Variants in IPP observed in about 807,000 individuals in gnomAD.
IPP encodes actin-binding protein IPP.
In IPP, 41 loss-of-function variants were observed where a neutral mutation model predicts 64.1. The observed-to-expected ratio is 0.64, with a 90% confidence interval of 0.50 to 0.83. The LOEUF is 0.83. IPP is among the 40% of genes least tolerant of loss of function. The pLI, the probability that IPP is intolerant of heterozygous loss-of-function variation, is 0.00. For missense variants in IPP, 649 were observed against 703.0 expected (o/e 0.92, Z 0.87); for synonymous variants, 214 against 235.2 (o/e 0.91, Z 0.83).
chr1:45,719,136 C>G (rs1645698722), intron 6 of IPP, 67 bp downstream of exon 6: 2 of 1,479,234 alleles, frequency 1.4e-6, no homozygotes, highest in Non-Finnish European at 9.4e-7. Context: ...TATTATGTAT[C>G]CACAAAAATG....
At chr1:45,717,221 GAAAA>G (rs56338317) in intron 6 of IPP, among the ~76,000 whole-genome samples, 20,316 of 95,252 alleles carry the variant, frequency 0.21, 1,298 homozygotes, top group Non-Finnish European at 0.26. Flanking sequence ...GCTCTTTTGA[GAAAA>G]AAAAAAAAAA....
rs1190011194 is a variant in IPP at position 45,718,662 on chromosome 1, T to TA, written c.1186+540dup. On this transcript the variant is annotated intron_variant, in intron 6 of 8. Coordinates refer to ENST00000396478, the MANE Select transcript of IPP (RefSeq NM_005897.3). ...ATACAGATTAAAGCCAGTTGGTTTT[T>TA]AAAAAAAGAATGTAAAGAGCTGAAA... Among the ~76,000 whole-genome samples the TA allele has an allele frequency of 1.4e-4, 22 of 152,176 alleles. No individual in the cohort carries two copies. The South Asian group carries it at 4.4e-3, about 30-fold the overall frequency.
At chr1:45,733,918 A>G (rs1194017113) in intron 3 of IPP, among the ~76,000 whole-genome samples, 2 of 152,184 alleles carry the variant, frequency 1.3e-5, no homozygotes, top group Admixed American at 6.6e-5. Context: ...GAAGGAATTC[A>G]GGAAACACAG....
At chr1:45,720,246 AG>A (rs1645714726) in intron 5 of IPP, among the ~76,000 whole-genome samples, 1 of 152,098 alleles carries the variant, frequency 6.6e-6, no homozygotes, top group African/African-American at 2.4e-5. Context: ...CAGGTAATTT[AG>A]AATTTTAAAA....
At chr1:45,728,084 TTTCA>T (rs1645855718) in intron 4 of IPP, among the ~76,000 whole-genome samples, 1 of 151,948 alleles carries the variant, frequency 6.6e-6, no homozygotes, top group Non-Finnish European at 1.5e-5. Context: ...TCATTATAAC[TTTCA>T]TTAATGTCTT....
chr1:45,702,770 TAA>T (rs894344123), intron 8 of IPP, among the ~76,000 whole-genome samples: 6 of 152,100 alleles, frequency 3.9e-5, no homozygotes, highest in African/African-American at 1.4e-4. Context: ...CAATTATTGA[TAA>T]GACTTAATTT....
intron 7 of IPP, among the ~76,000 whole-genome samples, chr1:45,716,019 T>A (rs556267952): frequency 6.6e-6 from 1 of 152,250 alleles, no homozygotes; most frequent in African/African-American, 2.4e-5. Context: ...CACAGGTGCA[T>A]AAAAATCAGC....
chr1:45,708,103 C>T (rs1303144791), intron 8 of IPP, among the ~76,000 whole-genome samples: 7 of 150,108 alleles, frequency 4.7e-5, no homozygotes, highest in African/African-American at 1.5e-4. Context: ...CTCACTCTGT[C>T]GCCCAGGCTG....
chr1:45,728,386 C>G (rs1345734662), intron 4 of IPP, among the ~76,000 whole-genome samples: 1 of 151,738 alleles, frequency 6.6e-6, no homozygotes, highest in Non-Finnish European at 1.5e-5. Flanking sequence ...TATAAATTAT[C>G]TCATACATAA....
At chr1:45,716,087 C>G (rs995148055) in intron 7 of IPP, among the ~76,000 whole-genome samples, 4 of 152,026 alleles carry the variant, frequency 2.6e-5, no homozygotes, top group African/African-American at 9.7e-5. Context: ...ACCTACCTCT[C>G]AAGAGTATAG....
rs1646135623 is a variant in IPP, at chr1:45,746,497, AT to A, written c.-50-37del. ...AAATACAAAGAGATCAAGCAACAAA[AT>A]TTTTTTAACATGCTTTCTATTCACA... On this transcript the variant is annotated intron_variant, in intron 1 of 8. Coordinates refer to ENST00000396478, the MANE Select transcript of IPP (RefSeq NM_005897.3). 12 of 1,050,912 alleles carry A rather than the reference AT, an allele frequency of 1.1e-5. No homozygotes were observed. In the Admixed American group the frequency reaches 1.4e-4, roughly 12 times the overall value. 65.1% of individuals were successfully genotyped at this position (1,050,912 alleles called of 1,614,324 possible). A position where few individuals can be genotyped will look rare whatever the true frequency, so the allele number is the denominator to read the frequency against.
At chr1:45,726,828 A>T (rs1483699719) in intron 5 of IPP, among the ~76,000 whole-genome samples, 1 of 150,284 alleles carries the variant, frequency 6.7e-6, no homozygotes, top group Admixed American at 6.7e-5. Flanking sequence ...GGTTCAAATG[A>T]TTCTCCTGCC....
intron 6 of IPP, among the ~76,000 whole-genome samples, chr1:45,717,612 T>G (rs931016791): frequency 6.6e-6 from 1 of 151,930 alleles, no homozygotes; most frequent in Non-Finnish European, 1.5e-5. Flanking sequence ...CCTGGGTTCA[T>G]GCCATTCTCC....
chr1:45,694,804 A>G (rs903915524), downstream of IPP: 6 of 260,144 alleles, frequency 2.3e-5, no homozygotes, highest in African/African-American at 1.3e-4. Flanking sequence ...ACTATTTAAA[A>G]TAAAGCCACT....
rs537648999 is a variant in IPP, at chr1:45,715,640, C to CA, written c.1310-1175dup. Reference sequence around the variant, plus strand: ...TGGGCGACAGAGCGAGACTCCATCTCAAAAAAAAAAAAAGAAATGTGGGCT... The same window carrying CA: ...TGGGCGACAGAGCGAGACTCCATCTCAAAAAAAAAAAAAAGAAATGTGGGCT... On this transcript the variant is annotated intron_variant, in intron 7 of 8. Coordinates refer to ENST00000396478, the MANE Select transcript of IPP (RefSeq NM_005897.3). Among the ~76,000 whole-genome samples, 592 of 122,728 alleles carry CA rather than the reference C, an allele frequency of 4.8e-3. 4 individuals are homozygous for CA. Among genetic ancestry groups the CA allele is most frequent in the Middle Eastern group, 0.042 (10 of 236 alleles). 80.5% of individuals were successfully genotyped at this position (122,728 alleles called of 152,430 possible). A position where few individuals can be genotyped will look rare whatever the true frequency, so the allele number is the denominator to read the frequency against.
intron 3 of IPP, among the ~76,000 whole-genome samples, chr1:45,735,850 G>A (rs958460962): frequency 8.8e-5 from 13 of 148,480 alleles, no homozygotes; most frequent in African/African-American, 3.2e-4. Flanking sequence ...GGTGTCTCAC[G>A]CCTGTAATCC....
chr1:45,704,014 T>C (rs1470559089), intron 8 of IPP, among the ~76,000 whole-genome samples: 2 of 152,132 alleles, frequency 1.3e-5, no homozygotes, highest in Non-Finnish European at 2.9e-5. Flanking sequence ...TCAGTGAAGA[T>C]GCAACCTCCT....
At chr1:45,744,730 T>G (rs1354190840) in intron 2 of IPP, among the ~76,000 whole-genome samples, 14 of 151,252 alleles carry the variant, frequency 9.3e-5, no homozygotes, top group Non-Finnish European at 2.1e-4. Context: ...TCCCAGCTAC[T>G]CGGGAGGCTG....
At chr1:45,709,249 G>C (rs71500087) in intron 8 of IPP, among the ~76,000 whole-genome samples, 107,092 of 149,754 alleles carry the variant, frequency 0.72, 38,427 homozygotes, top group African/African-American at 0.76. Context: ...CTGGCTAACA[G>C]AGTGAAACCC....
Sources: gnomAD v4.1 joint callset for allele counts (sites outside exome capture counted in the v4.1 genomes callset) on GRCh38, gnomAD v4.1.1 for gene constraint, MANE v1.5 for transcripts, NCBI Gene and HGNC (gene_info 2026-07-23, HGNC 2026-07-21) for gene names.